The following PTPRT variants were observed in gnomAD, a reference collection of about 807,000 sequenced individuals.
PTPRT encodes the protein protein tyrosine phosphatase receptor type T.
Under a neutral mutation model 176.8 loss-of-function variants are expected in PTPRT, and 56 were observed. The ratio of observed to expected loss-of-function variants is 0.32; its 90% CI spans 0.26 to 0.40. PTPRT has a LOEUF of 0.40. Among genes scored for constraint, PTPRT ranks in the 10% least tolerant of loss-of-function variants. PTPRT has a pLI of 1.00. For synonymous variants in PTPRT, 783 were observed against 739.0 expected, an observed-to-expected ratio of 1.06 and a Z score of -0.96; for missense variants, 1,540 against 1,908.2, an observed-to-expected ratio of 0.81 and a Z score of 3.60.
At chr20:42,035,026 G>A in the PTPRT span, among the ~76,000 whole-genome samples, 1 of 152,078 alleles carries the variant, frequency 6.6e-6, no homozygotes, top group African/African-American at 2.4e-5. Context: ...TTTAAAACCA[G>A]GTTTGGAGAT....
At chr20:42,802,606 G>A (rs899675632) in intron 2 of PTPRT, among the ~76,000 whole-genome samples, 2 of 152,210 alleles carry the variant, frequency 1.3e-5, no homozygotes, top group Admixed American at 6.5e-5. Flanking sequence ...AATCCTGACA[G>A]CTTATTTTTT....
At chr20:43,083,363 T>TATATATATAC (rs2011516171) in intron 1 of PTPRT, among the ~76,000 whole-genome samples, 4 of 70,338 alleles carry the variant, frequency 5.7e-5, no homozygotes, top group African/African-American at 9.4e-5. Context: ...TATATATATA[T>TATATATATAC]ATATATACAT....
intron 13 of PTPRT, among the ~76,000 whole-genome samples, chr20:42,272,702 C>T (rs1016596132): frequency 2.1e-5 from 3 of 143,604 alleles, no homozygotes; most frequent in East Asian, 2.0e-4. Flanking sequence ...TGCGCGCATG[C>T]GTGCACACAC....
intron 15 of PTPRT, among the ~76,000 whole-genome samples, chr20:42,233,696 A>G (rs1185818607): frequency 1.3e-5 from 2 of 152,168 alleles, no homozygotes; most frequent in East Asian, 3.9e-4. Context: ...TTCTGTATAG[A>G]AGGCAGGCTA....
At chr20:42,109,481 A>G (rs1986822142) in intron 23 of PTPRT, among the ~76,000 whole-genome samples, 1 of 152,166 alleles carries the variant, frequency 6.6e-6, no homozygotes, top group African/African-American at 2.4e-5. Context: ...AGAGCTGAAA[A>G]TATCTCTTCT....
intron 2 of PTPRT, among the ~76,000 whole-genome samples, chr20:42,830,762 G>C (rs1208202944): frequency 6.6e-6 from 1 of 152,180 alleles, no homozygotes; most frequent in African/African-American, 2.4e-5. Flanking sequence ...GCCAAGCTGA[G>C]TGCCAAATCA....
intron 7 of PTPRT, among the ~76,000 whole-genome samples, chr20:42,521,460 T>G (rs2072175451): frequency 1.3e-5 from 2 of 152,218 alleles, no homozygotes; most frequent in African/African-American, 4.8e-5. Context: ...ATTAAAACAA[T>G]AAATTGATTT....
intron 1 of PTPRT, among the ~76,000 whole-genome samples, chr20:42,951,291 AATGGATG>A (rs1401406813): frequency 1.3e-5 from 2 of 151,544 alleles, no homozygotes; most frequent in Non-Finnish European, 2.9e-5. Flanking sequence ...TAAATGTGTG[AATGGATG>A]ATGGATGAGT....
intron 9 of PTPRT, among the ~76,000 whole-genome samples, chr20:42,360,787 C>T (rs996331505): frequency 2.6e-5 from 4 of 152,216 alleles, no homozygotes; most frequent in African/African-American, 9.6e-5. Flanking sequence ...TGATCCTGCT[C>T]ATTGGAACCC....
chr20:42,354,217 C>G (rs1894592), intron 9 of PTPRT, among the ~76,000 whole-genome samples: 27,645 of 152,138 alleles, frequency 0.18, 3,078 homozygotes, highest in African/African-American at 0.31. Flanking sequence ...CTTGCCTACC[C>G]CCATCAGGGA....
At position 42,151,126 on chromosome 20, in the gene PTPRT, A is replaced by ATTT. The variant is rs11468504; in HGVS notation, c.2683-9127_2683-9125dup. Among the ~76,000 whole-genome samples the ATTT allele has an allele frequency of 2.8e-5, 4 of 143,936 alleles. No individual in the cohort carries two copies. The Admixed American group carries it at 2.8e-4, about 10-fold the overall frequency. 94.4% of individuals were successfully genotyped at this position (143,936 alleles called of 152,430 possible). A position where few individuals can be genotyped will look rare whatever the true frequency, so the allele number is the denominator to read the frequency against. On this transcript the variant is annotated intron_variant, in intron 17 of 30. Transcript: ENST00000373187. ...CCATCTTCAGTCAAAAACATCAAGG[A>ATTT]TTTTTTTTTTTTTTTTAATTTTACT...
intron 1 of PTPRT, among the ~76,000 whole-genome samples, chr20:42,920,591 G>T (rs1033155675): frequency 1.2e-4 from 18 of 151,208 alleles, no homozygotes; most frequent in African/African-American, 4.4e-4. Context: ...AAGAGGAGAG[G>T]AAAAAAAGTC....
the PTPRT span, among the ~76,000 whole-genome samples, chr20:42,047,907 T>G: frequency 3.3e-5 from 5 of 152,228 alleles, no homozygotes; most frequent in Non-Finnish European, 7.3e-5. Flanking sequence ...GGTCTCCCAA[T>G]GCAGACATCT....
At chr20:42,921,685 G>A (rs536968239) in intron 1 of PTPRT, among the ~76,000 whole-genome samples, 1 of 152,316 alleles carries the variant, frequency 6.6e-6, no homozygotes, top group African/African-American at 2.4e-5. Flanking sequence ...CGAGACAAAA[G>A]GGGAAGGAAT....
At chr20:42,510,937 C>T (rs1185947715) in intron 7 of PTPRT, among the ~76,000 whole-genome samples, 5 of 152,188 alleles carry the variant, frequency 3.3e-5, no homozygotes, top group East Asian at 1.9e-4. Flanking sequence ...CACTGAGAGG[C>T]GGGCCTTTAA....
intron 26 of PTPRT, among the ~76,000 whole-genome samples, chr20:42,101,495 A>G (rs1985931688): frequency 6.6e-6 from 1 of 152,214 alleles, no homozygotes; most frequent in Non-Finnish European, 1.5e-5. Context: ...CATGACCCTA[A>G]TCCCAAACCA....
chr20:42,942,567 C>T (rs1346079370), intron 1 of PTPRT, among the ~76,000 whole-genome samples: 3 of 152,170 alleles, frequency 2.0e-5, no homozygotes, highest in African/African-American at 7.2e-5. Flanking sequence ...GAAAGGAGAG[C>T]AGAAGCTTTA....
At chr20:42,281,109 G>A (rs1238249767) in intron 13 of PTPRT, among the ~76,000 whole-genome samples, 1 of 152,076 alleles carries the variant, frequency 6.6e-6, no homozygotes, top group Non-Finnish European at 1.5e-5. Context: ...TAGCTCTCCC[G>A]ATTGCTGTCT....
At chr20:42,167,084 A>G (rs1989860611) in intron 16 of PTPRT, among the ~76,000 whole-genome samples, 1 of 152,210 alleles carries the variant, frequency 6.6e-6, no homozygotes, top group African/African-American at 2.4e-5. Flanking sequence ...TATCTATAAT[A>G]CAGAGAAAAC....
Sources: allele counts gnomAD v4.1 joint callset (sites outside exome capture counted in the v4.1 genomes callset), GRCh38; gene constraint gnomAD v4.1.1; transcripts MANE v1.5; gene names NCBI Gene and HGNC (gene_info 2026-07-23, HGNC 2026-07-21).